DACH2: variants seen among roughly 807,000 people sequenced by gnomAD.
DACH2 encodes dachshund homolog 2.
Under a neutral mutation model 35.8 loss-of-function variants are expected in DACH2, and 17 were observed. That is an observed-to-expected ratio of 0.48 (90% CI 0.33 to 0.71). The LOEUF (loss-of-function observed/expected upper bound fraction) is 0.71, where lower values mean the gene tolerates loss of function less well. Among genes scored for constraint, DACH2 ranks in the 30% least tolerant of loss-of-function variants. The probability of loss-of-function intolerance (pLI) is 0.02; values close to 1 mark genes in which losing one functional copy is unlikely to be tolerated. For missense variants in DACH2, 469 were observed against 472.7 expected (o/e 0.99, Z 0.07); for synonymous variants, 195 against 177.3 (o/e 1.10, Z -0.79).
intron 7 of DACH2, among the ~76,000 whole-genome samples, chrX:86,744,133 G>T (rs1277279319): frequency 4.5e-5 from 5 of 111,167 alleles, no homozygotes; most frequent in African/African-American, 1.3e-4. Context: ...TACAGTATCT[G>T]ATTTTCATAA....
chrX:86,375,389 ATATATATATATACATATATATATG>A (rs1197502086), intron 1 of DACH2, among the ~76,000 whole-genome samples: 7 of 94,843 alleles, frequency 7.4e-5, no homozygotes, highest in Middle Eastern at 0.01. Context: ...TATAATACAT[ATATATATATATACATATATATATG>A]TATATATATA....
chrX:86,663,011 A>G (rs745659104), intron 4 of DACH2, among the ~76,000 whole-genome samples: 3 of 112,138 alleles, frequency 2.7e-5, no homozygotes, highest in South Asian at 3.6e-4. Context: ...TACTATAAAT[A>G]ATAAAACAAT....
intron 6 of DACH2, among the ~76,000 whole-genome samples, chrX:86,737,623 T>C (rs1264793278): frequency 2.7e-5 from 3 of 111,852 alleles, no homozygotes; most frequent in Non-Finnish European, 5.6e-5. Flanking sequence ...AAATTTATTA[T>C]CTTGGAGTTC....
intron 3 of DACH2, among the ~76,000 whole-genome samples, chrX:86,527,729 G>T (rs1404301959): frequency 8.9e-6 from 1 of 111,823 alleles, no homozygotes; most frequent in Non-Finnish European, 1.9e-5. Flanking sequence ...GAATTGCTGG[G>T]TTGTATGGTG....
intron 1 of DACH2, among the ~76,000 whole-genome samples, chrX:86,350,113 A>T (rs2035568557): frequency 8.9e-6 from 1 of 112,433 alleles, no homozygotes; most frequent in African/African-American, 3.2e-5. Flanking sequence ...GGTTGCAGTG[A>T]GCCGAGATCA....
At chrX:86,657,806 G>T (rs1210287727) in intron 4 of DACH2, among the ~76,000 whole-genome samples, 3 of 111,167 alleles carry the variant, frequency 2.7e-5, no homozygotes, top group Non-Finnish European at 1.9e-5. Flanking sequence ...TCCCCTGAAG[G>T]CAAAATATGA....
intron 7 of DACH2, among the ~76,000 whole-genome samples, chrX:86,801,180 T>C (rs184098528): frequency 2.1e-4 from 23 of 110,656 alleles, no homozygotes; most frequent in African/African-American, 6.9e-4. Context: ...CCCTTAATTT[T>C]TTGTATAAAA....
At chrX:86,243,364 A>C (rs1197233860) in intron 1 of DACH2, among the ~76,000 whole-genome samples, 1 of 111,988 alleles carries the variant, frequency 8.9e-6, no homozygotes, top group Non-Finnish European at 1.9e-5. Context: ...TGTGATGATA[A>C]TATGTGTTAA....
chrX:86,388,132 AG>A (rs1462727223), intron 2 of DACH2, among the ~76,000 whole-genome samples: 2 of 112,023 alleles, frequency 1.8e-5, no homozygotes, highest in Non-Finnish European at 3.8e-5. Context: ...GAAGAAGAGG[AG>A]CACCTGTGAG....
intron 3 of DACH2, among the ~76,000 whole-genome samples, chrX:86,588,031 GA>G: frequency 9.0e-6 from 1 of 111,503 alleles, no homozygotes; most frequent in Non-Finnish European, 1.9e-5. Flanking sequence ...AATTCATCAT[GA>G]GTTAGGTTTT....
intron 2 of DACH2, among the ~76,000 whole-genome samples, chrX:86,399,877 T>G (rs2036387693): frequency 9.0e-6 from 1 of 111,334 alleles, no homozygotes; most frequent in Non-Finnish European, 1.9e-5. Flanking sequence ...GCTGTTCTTC[T>G]GGAGTATGTT....
At chrX:86,526,179 TA>T (rs369732538) in intron 3 of DACH2, among the ~76,000 whole-genome samples, 2,115 of 109,989 alleles carry the variant, frequency 0.019, 30 homozygotes, top group Non-Finnish European at 0.026. Flanking sequence ...GTATCCTTCT[TA>T]AAAAAAAATA....
chrX:86,641,881 T>C (rs2040351294), intron 3 of DACH2, among the ~76,000 whole-genome samples: 1 of 111,793 alleles, frequency 8.9e-6, no homozygotes. Context: ...GAAGGAGAAA[T>C]AAGATCCTCT....
intron 1 of DACH2, among the ~76,000 whole-genome samples, chrX:86,275,529 C>A (rs2033901426): frequency 9.0e-6 from 1 of 111,659 alleles, no homozygotes; most frequent in Non-Finnish European, 1.9e-5. Context: ...TCCCCTCAAG[C>A]ACTTAATATT....
At chrX:86,631,631 C>G (rs1204417423) in intron 3 of DACH2, among the ~76,000 whole-genome samples, 1 of 112,008 alleles carries the variant, frequency 8.9e-6, no homozygotes, top group Non-Finnish European at 1.9e-5. Context: ...AGTGAACTGA[C>G]TCACCATTAC....
At chrX:86,285,358 A>G (rs1274074852) in intron 1 of DACH2, among the ~76,000 whole-genome samples, 2 of 111,530 alleles carry the variant, frequency 1.8e-5, no homozygotes, top group African/African-American at 6.5e-5. Flanking sequence ...TATTCCATCA[A>G]TTTTTGTATG....
At chrX:86,153,412 G>T (rs752207068) in intron 1 of DACH2, among the ~76,000 whole-genome samples, 1 of 110,790 alleles carries the variant, frequency 9.0e-6, no homozygotes, top group Non-Finnish European at 1.9e-5. Context: ...TATTATGAGC[G>T]CTCAATGAGT....
intron 3 of DACH2, among the ~76,000 whole-genome samples, chrX:86,634,261 G>A (rs184622616): frequency 5.4e-5 from 6 of 111,259 alleles, no homozygotes; most frequent in Non-Finnish European, 9.4e-5. Context: ...AGGTTTGGGC[G>A]GGGAGACAAA....
chrX:86,189,992 C>T (rs910058174), intron 1 of DACH2, among the ~76,000 whole-genome samples: 18 of 109,004 alleles, frequency 1.7e-4, no homozygotes, highest in African/African-American at 6.0e-4. Context: ...GGTGAAACCC[C>T]GTCTCTACTA....
Sources: gnomAD v4.1 joint callset for allele counts (sites outside exome capture counted in the v4.1 genomes callset) on GRCh38, gnomAD v4.1.1 for gene constraint, MANE v1.5 for transcripts, NCBI Gene and HGNC (gene_info 2026-07-23, HGNC 2026-07-21) for gene names.